AFAP1L1: variants seen among roughly 807,000 people sequenced by gnomAD.
AFAP1L1 encodes actin filament associated protein 1 like 1.
Under a neutral mutation model 99.8 loss-of-function variants are expected in AFAP1L1, and 77 were observed. The ratio of observed to expected loss-of-function variants is 0.77; its 90% confidence interval spans 0.64 to 0.93. The LOEUF (loss-of-function observed/expected upper bound fraction) is 0.93. Among genes scored for constraint, AFAP1L1 ranks in the 40% least tolerant of loss-of-function variants. The pLI is 0.00. For missense variants in AFAP1L1, 893 were observed against 996.8 expected, an observed-to-expected ratio of 0.90 and a Z score of 1.40; for synonymous variants, 373 against 395.3, an observed-to-expected ratio of 0.94 and a Z score of 0.67.
intron 15 of AFAP1L1, among the ~76,000 whole-genome samples, chr5:149,323,328 C>G (rs1402844307): frequency 1.3e-5 from 2 of 152,202 alleles, no homozygotes; most frequent in African/African-American, 4.8e-5. Flanking sequence ...GCCTAGCACC[C>G]CCCAGGAGCT....
At position 149,320,321 on chromosome 5, in the gene AFAP1L1, G is replaced by A. The variant is rs779905166; in HGVS notation, c.1626-70G>A. 4.8e-6 allele frequency: 7 copies of A among 1,451,770 alleles called. No individual in the cohort carries two copies. Among genetic ancestry groups the A allele is most frequent in the African/African-American group, 1.4e-5 (1 of 71,774 alleles). 89.9% of individuals were successfully genotyped at this position (1,451,770 alleles called of 1,614,324 possible). ...TTCTGCCAGAATCAATGAGAGTGAG[G>A]ACACGAAAGCACTGTAAGCTGCAAA... On this transcript the variant is annotated intron_variant, in intron 13 of 18. Transcript: ENST00000296721. The surrounding 1 kb of genome is among the most constrained non-coding windows in gnomAD (Gnocchi z 4.0).
Position 149,315,846 on chromosome 5 carries a change from C to T in AFAP1L1, c.1046C>T (p.Ser349Leu), listed in dbSNP as rs1441516406. The part of the protein sequence containing the change: ...DKRLSQEKQT[S>L]DSDSVGVGDN... ...AGGCTGTCCCAAGAGAAGCAGACCT[C>T]AGATTCTGACAGCGTGGGTGTGGGT... Residue 349 changes from serine to leucine, a missense_variant, in exon 10 of 19, where the codon TCA becomes TTA. By Grantham distance (145) the Ser-to-Leu change is moderately radical (BLOSUM62 -2). Coordinates refer to ENST00000296721, the MANE Select transcript of AFAP1L1 (RefSeq NM_152406.4). The T allele has an allele frequency of 6.2e-7, 1 of 1,614,156 alleles. No homozygotes were observed. Among genetic ancestry groups the T allele is most frequent in the African/African-American group, 1.3e-5 (1 of 75,056 alleles).
chr5:149,300,741 T>G (rs957023793), intron 3 of AFAP1L1, among the ~76,000 whole-genome samples: 10 of 152,190 alleles, frequency 6.6e-5, no homozygotes, highest in African/African-American at 2.4e-4. Flanking sequence ...GCATGCAGAG[T>G]ACCTGCCGTC....
intron 1 of AFAP1L1, among the ~76,000 whole-genome samples, chr5:149,290,472 C>A (rs1755816260): frequency 6.6e-6 from 1 of 152,100 alleles, no homozygotes; most frequent in South Asian, 2.1e-4. Context: ...CCCAGAGGTA[C>A]ACAGTTTGGA....
At chr5:149,272,055 C>A in intron 1 of AFAP1L1, 71 bp downstream of exon 1, 1 of 1,118,216 alleles carries the variant, frequency 8.9e-7, no homozygotes, top group Non-Finnish European at 1.1e-6. Context: ...GATCTGAAGC[C>A]GGAGAGGAGG....
At chr5:149,284,142 C>T (rs1406561249) in intron 1 of AFAP1L1, among the ~76,000 whole-genome samples, 6 of 152,088 alleles carry the variant, frequency 3.9e-5, no homozygotes, top group African/African-American at 7.2e-5. Flanking sequence ...GGCAGCATGC[C>T]GAGAGCCCAA....
chr5:149,275,529 A>T (rs973470992), intron 1 of AFAP1L1, among the ~76,000 whole-genome samples: 3 of 151,066 alleles, frequency 2.0e-5, no homozygotes, highest in Non-Finnish European at 4.4e-5. Context: ...TTTTTGAGAC[A>T]GAGTCTCACT....
At chr5:149,273,183 G>A (rs1755190227) in intron 1 of AFAP1L1, among the ~76,000 whole-genome samples, 1 of 149,344 alleles carries the variant, frequency 6.7e-6, no homozygotes, top group Non-Finnish European at 1.5e-5. Context: ...GACGGCACTA[G>A]ATAAACTAGT....
chr5:149,332,524 G>A (rs1757284957), intron 16 of AFAP1L1, among the ~76,000 whole-genome samples, 171 bp from the exon 17 acceptor site: 1 of 152,172 alleles, frequency 6.6e-6, no homozygotes. Flanking sequence ...TCATTATGGA[G>A]CTGGAATCCT....
intron 15 of AFAP1L1, among the ~76,000 whole-genome samples, chr5:149,328,093 C>T (rs1757145820): frequency 6.6e-6 from 1 of 152,190 alleles, no homozygotes. Flanking sequence ...ACATTAACAG[C>T]TGACTTCTCA....
At chr5:149,309,911 AC>A (rs1429538789) in intron 7 of AFAP1L1, 44 bp from the exon 8 acceptor site, 1 of 1,612,688 alleles carries the variant, frequency 6.2e-7, no homozygotes, top group East Asian at 2.2e-5. Flanking sequence ...TCCCTCCTCT[AC>A]CCTCTACTTC....
chr5:149,319,801 G>T (rs1756901872), intron 13 of AFAP1L1, 74 bp downstream of exon 13: 5 of 1,566,378 alleles, frequency 3.2e-6, no homozygotes, highest in Middle Eastern at 2.3e-4. Context: ...GCTGAGTCCA[G>T]CCCTGGGCAC....
Position 149,315,692 on chromosome 5 carries a change from T to C in AFAP1L1, c.1021-129T>C, listed in dbSNP as rs1233649873. ...TGGTATGGTATGAGGCACAGGATAG[T>C]TGCTGACAAACATTTGTTAGCTAAT... On this transcript the variant is annotated intron_variant, in intron 9 of 18. Coordinates refer to ENST00000296721, the MANE Select transcript of AFAP1L1 (RefSeq NM_152406.4). 1.6e-5 allele frequency: 12 copies of C among 755,622 alleles called. No individual in the cohort carries two copies. The South Asian group carries it at 1.9e-4, about 12-fold the overall frequency. The allele number at this position is 755,622 out of a possible 1,614,324, so 46.8% of individuals were successfully genotyped here.
intron 1 of AFAP1L1, among the ~76,000 whole-genome samples, chr5:149,297,216 A>G (rs1446669941): frequency 6.6e-6 from 1 of 152,216 alleles, no homozygotes; most frequent in Non-Finnish European, 1.5e-5. Flanking sequence ...TAAAGAGGGA[A>G]ACATATTCAT....
At chr5:149,287,668 C>A (rs1280567506) in intron 1 of AFAP1L1, among the ~76,000 whole-genome samples, 1 of 151,854 alleles carries the variant, frequency 6.6e-6, no homozygotes, top group East Asian at 1.9e-4. Context: ...ATGCAGCCTC[C>A]ACCTCCTGGG....
In AFAP1L1 at chr5:149,331,607, G is replaced by A. The variant is rs559825878; in HGVS notation, c.1976-1088G>A. Among the ~76,000 whole-genome samples, 22 of 150,882 alleles carry A rather than the reference G, an allele frequency of 1.5e-4. No individual in the cohort carries two copies. The East Asian group carries it at 3.9e-3, about 27-fold the overall frequency. ...TGCACTCCAGCCTGGGTGACAGAGCGAGACTCCGTCTCAAGAAAAAAAAAA... is the reference window on the plus strand; with the variant it reads ...TGCACTCCAGCCTGGGTGACAGAGCAAGACTCCGTCTCAAGAAAAAAAAAA... On this transcript the variant is annotated intron_variant, in intron 16 of 18. Transcript: ENST00000296721.
At chr5:149,326,563 G>T (rs954605781) in intron 15 of AFAP1L1, among the ~76,000 whole-genome samples, 46 of 97,952 alleles carry the variant, frequency 4.7e-4, no homozygotes, top group African/African-American at 1.4e-3. Flanking sequence ...AAAAAAAAAA[G>T]AAAGAAAAAT....
At chr5:149,306,537 C>T in intron 6 of AFAP1L1, 133 bp downstream of exon 6, 1 of 798,388 alleles carries the variant, frequency 1.3e-6, no homozygotes, top group South Asian at 1.9e-5. Flanking sequence ...GAGGCCCCAA[C>T]ACCCTTGTTT....
At position 149,310,075 on chromosome 5, in the gene AFAP1L1, G is replaced by A. The variant is rs149361551; in HGVS notation, c.867G>A (p.Gly289=). 3.1e-6 allele frequency: 5 copies of A among 1,613,916 alleles called. No homozygotes were observed. In the African/African-American group the frequency reaches 4.0e-5, roughly 13 times the overall value. ...GGCACGAGCTGCGTTTCACCCAGGG[G>A]GCTACCGAGGTCTTGGTGCTGGCAC... The part of the protein sequence containing the change: ...HKRHELRFTQ[G]ATEVLVLALQ... Residue 289 remains glycine, a synonymous_variant, in exon 8 of 19, where the codon GGG becomes GGA. Transcript: ENST00000296721.
Sources: gnomAD v4.1 joint callset for allele counts (sites outside exome capture counted in the v4.1 genomes callset) on GRCh38, gnomAD v4.1.1 for gene constraint, Gnocchi (gnomAD v3.1) non-coding constraint, MANE v1.5 for transcripts, NCBI Gene and HGNC (gene_info 2026-07-23, HGNC 2026-07-21) for gene names.